GOLGA4: variants seen among roughly 807,000 people sequenced by gnomAD.
GOLGA4 encodes golgin A4.
A neutral mutation model predicts 265.9 loss-of-function variants in GOLGA4; 169 were observed. The ratio of observed to expected loss-of-function variants is 0.64; its 90% confidence interval spans 0.56 to 0.72. The LOEUF (loss-of-function observed/expected upper bound fraction) is 0.72, where lower values mean the gene tolerates loss of function less well. Ranked by LOEUF, GOLGA4 falls within the 30% of genes least tolerant of loss-of-function variation. The pLI is 0.00. For synonymous variants in GOLGA4, 923 were observed against 855.8 expected (o/e 1.08, Z -1.37); for missense variants, 2,482 against 2,483.4 (o/e 1.00, Z 0.01).
rs925824406 is a variant in GOLGA4 at position 37,341,264 on chromosome 3, C to T, written c.6472+1065C>T. 2.6e-5 allele frequency among the ~76,000 whole-genome samples: 4 copies of T among 152,200 alleles called. No individual in the cohort carries two copies. In the East Asian group the frequency reaches 7.7e-4, roughly 29 times the overall value. On this transcript the variant is annotated intron_variant, in intron 20 of 23. Transcript: ENST00000361924. ...GTAATTCCCTTGAGATAATCAAGAT[C>T]ATTGAATAATCTTATATAACACTTA... is the stretch of plus-strand genomic sequence containing the variant.
At chr3:37,363,597 A>C (rs953507846) in intron 23 of GOLGA4, among the ~76,000 whole-genome samples, 1 of 152,216 alleles carries the variant, frequency 6.6e-6, no homozygotes. Context: ...ACTTGCCGAC[A>C]TGCTTGCAAG....
intron 20 of GOLGA4, chr3:37,341,882 A>G (rs1314626551): frequency 6.6e-6 from 1 of 152,200 alleles, no homozygotes; most frequent in Non-Finnish European, 1.5e-5. Flanking sequence ...CTAACTCATA[A>G]TACTAAGCGC....
rs556410782 is a variant in GOLGA4, at chr3:37,358,758, G to C, written c.6664-2485G>C. Among the ~76,000 whole-genome samples, 33 of 152,122 alleles carry C rather than the reference G, an allele frequency of 2.2e-4. 1 individual carries two copies. Among genetic ancestry groups the C allele is most frequent in the Non-Finnish European group, 4.4e-5 (3 of 68,026 alleles). On this transcript the variant is annotated intron_variant, in intron 22 of 23. Transcript: ENST00000361924. ...GATGTGTATAAGAAAAACCATTAAAGACCTCAGTAGGAGGGTCAAGTCACA... is the reference window on the plus strand; with the variant it reads ...GATGTGTATAAGAAAAACCATTAAACACCTCAGTAGGAGGGTCAAGTCACA...
At chr3:37,253,078 G>A (rs772116645) in intron 2 of GOLGA4, among the ~76,000 whole-genome samples, 14 of 151,878 alleles carry the variant, frequency 9.2e-5, no homozygotes, top group Non-Finnish European at 1.9e-4. Flanking sequence ...GTGAGACCCT[G>A]TTTCTGCAAA....
chr3:37,266,460 A>G (rs2096783990), intron 2 of GOLGA4, among the ~76,000 whole-genome samples: 1 of 152,096 alleles, frequency 6.6e-6, no homozygotes, highest in African/African-American at 2.4e-5. Flanking sequence ...ACTCTCCCAA[A>G]GTGCTGGGAT....
In GOLGA4 at chr3:37,295,014, G is replaced by A. The variant is rs1206815467; in HGVS notation, c.618G>A (p.Leu206=). The change falls in exon 6 of 24, where the codon CTG becomes CTA. Residue 206 remains leucine, a synonymous_variant. Transcript: ENST00000361924. ...LQMDQQAKKH[L]QEEFDASLEE... ...TGGACCAGCAGGCAAAGAAACATCT[G>A]CAAGAGGAGTTTGATGCATCTTTAG... The A allele has an allele frequency of 6.2e-7, 1 of 1,611,004 alleles. No individual in the cohort carries two copies. The highest frequency in any genetic ancestry group is 8.5e-7 in the Non-Finnish European group (1 of 1,178,028).
intron 10 of GOLGA4, among the ~76,000 whole-genome samples, chr3:37,315,037 C>T (rs1454893287): frequency 6.6e-6 from 1 of 152,094 alleles, no homozygotes; most frequent in Non-Finnish European, 1.5e-5. Flanking sequence ...ATGATAAGAA[C>T]TTTAGAGCAA....
intron 7 of GOLGA4, among the ~76,000 whole-genome samples, chr3:37,297,721 A>G (rs1156739835): frequency 6.6e-6 from 1 of 152,026 alleles, no homozygotes; most frequent in East Asian, 1.9e-4. Flanking sequence ...GTATAGCAGA[A>G]TATTGGTGTA....
chr3:37,308,034 G>A (rs1350857255), intron 10 of GOLGA4, among the ~76,000 whole-genome samples: 2 of 152,248 alleles, frequency 1.3e-5, no homozygotes, highest in South Asian at 4.1e-4. Flanking sequence ...AGGAGTTCAA[G>A]ACCAGCCTGG....
At chr3:37,248,651 G>A (rs914658244) in intron 1 of GOLGA4, among the ~76,000 whole-genome samples, 3 of 152,172 alleles carry the variant, frequency 2.0e-5, no homozygotes, top group African/African-American at 4.8e-5. Flanking sequence ...ATCAGGCCAC[G>A]TTTTGCCAGA....
Position 37,321,862 on chromosome 3 carries a change from G to A in GOLGA4, c.1677G>A (p.Gln559=). Residue 559 remains glutamine, a synonymous_variant, in exon 13 of 24, where the codon CAG becomes CAA. Coordinates refer to ENST00000361924, the MANE Select transcript of GOLGA4 (RefSeq NM_002078.5). ...GTGAAAATAAACTTCGGGACCTTCA[G>A]CAAGAAGCAGAGACTTACAGAACTG... ...TESENKLRDL[Q]QEAETYRTRI... 1.2e-6 allele frequency: 2 copies of A among 1,609,856 alleles called. No homozygotes were observed. Among genetic ancestry groups the A allele is most frequent in the East Asian group, 2.2e-5 (1 of 44,844 alleles).
chr3:37,291,476 G>A (rs1274446681), intron 5 of GOLGA4, among the ~76,000 whole-genome samples: 5 of 152,110 alleles, frequency 3.3e-5, no homozygotes, highest in Non-Finnish European at 5.9e-5. Context: ...GCATTCCCTG[G>A]CAATATCAAA....
intron 2 of GOLGA4, among the ~76,000 whole-genome samples, chr3:37,270,096 G>T (rs1482269889): frequency 6.7e-6 from 1 of 150,004 alleles, no homozygotes; most frequent in Non-Finnish European, 1.5e-5. Context: ...GTTTCACCAT[G>T]TTGGCCAGGC....
At chr3:37,295,234 T>G (rs1163516507) in intron 6 of GOLGA4, among the ~76,000 whole-genome samples, 157 bp downstream of exon 6, 2 of 152,214 alleles carry the variant, frequency 1.3e-5, no homozygotes, top group African/African-American at 4.8e-5. Context: ...TTAATTTTTT[T>G]TGAGACAGAG....
rs2096708514 is a variant in GOLGA4 at position 37,243,547 on chromosome 3, C to T, written c.-4C>T. On this transcript the variant is annotated 5_prime_UTR_variant, in exon 1 of 24. Transcript: ENST00000361924. The stretch of plus-strand genomic sequence containing the variant: ...GACACTCAGGACCGTACGTACGCTG[C>T]GCCATGTTCAAGAAACTGAAGCAAA... 6.2e-7 allele frequency: 1 copy of T among 1,613,616 alleles called. No individual in the cohort carries two copies. Among genetic ancestry groups the T allele is most frequent in the African/African-American group, 1.3e-5 (1 of 74,928 alleles).
chr3:37,356,246 C>T (rs1041408270), intron 22 of GOLGA4, among the ~76,000 whole-genome samples: 1 of 152,096 alleles, frequency 6.6e-6, no homozygotes, highest in Middle Eastern at 3.2e-3. Flanking sequence ...CTTGCACTTA[C>T]AGCCTTTTAT....
At position 37,325,611 on chromosome 3, in the gene GOLGA4, A is replaced by T. The variant is rs1028843783; in HGVS notation, c.3725A>T (p.Lys1242Ile). The change falls in exon 14 of 24, where the codon AAA becomes ATA. Residue 1242 changes from lysine (K) to isoleucine (I), a missense_variant. Around this residue, in one of 3 missense-constraint regions of GOLGA4, gnomAD observed 1,536 missense variants for 1,483.7 expected, o/e 1.04. Transcript: ENST00000361924. The part of the protein sequence containing the change: ...TNELINISSS[K>I]TNAILSRISH... ...GAGCTAATCAACATTAGTAGTAGTAAAACTAATGCCATTCTTTCTAGGATT... is the reference window on the plus strand; with the variant it reads ...GAGCTAATCAACATTAGTAGTAGTATAACTAATGCCATTCTTTCTAGGATT... 1.9e-5 allele frequency: 30 copies of T among 1,612,306 alleles called. No individual in the cohort carries two copies. The highest frequency in any genetic ancestry group is 2.5e-5 in the Non-Finnish European group (30 of 1,178,452).
At chr3:37,312,495 C>T (rs989885408) in intron 10 of GOLGA4, among the ~76,000 whole-genome samples, 1 of 150,974 alleles carries the variant, frequency 6.6e-6, no homozygotes, top group African/African-American at 2.4e-5. Context: ...GGTTTGCAGG[C>T]AAATGCCAGT....
At chr3:37,271,989 G>T (rs1165894405) in intron 2 of GOLGA4, among the ~76,000 whole-genome samples, 1 of 152,142 alleles carries the variant, frequency 6.6e-6, no homozygotes, top group Non-Finnish European at 1.5e-5. Context: ...AGAATATAAT[G>T]CCTGATGATC....
Sources: gnomAD v4.1 joint callset for allele counts (sites outside exome capture counted in the v4.1 genomes callset) on GRCh38, gnomAD v4.1.1 for gene constraint, gnomAD v4.1.1 regional missense constraint, MANE v1.5 for transcripts, NCBI Gene and HGNC (gene_info 2026-07-23, HGNC 2026-07-21) for gene names.